Variants in CACNB3 observed in about 807,000 individuals in gnomAD.
CACNB3 encodes the protein calcium voltage-gated channel auxiliary subunit beta 3.
CACNB3 carries 36 observed loss-of-function variants against 63.7 expected under a neutral mutation model. That is an observed-to-expected ratio of 0.57 (90% confidence interval 0.43 to 0.75). The LOEUF (loss-of-function observed/expected upper bound fraction) is 0.75, where lower values mean the gene tolerates loss of function less well. Ranked by LOEUF, CACNB3 falls within the 30% of genes least tolerant of loss-of-function variation. CACNB3 has a pLI of 0.00. For missense variants in CACNB3, 493 were observed against 648.6 expected (o/e 0.76, Z 2.61); for synonymous variants, 241 against 250.6 (o/e 0.96, Z 0.36).
rs755305623 is a variant in CACNB3, at chr12:48,824,748, A to C, written c.472+15A>C. The C allele has an allele frequency of 6.2e-7, 1 of 1,611,690 alleles. No homozygotes were observed. Among genetic ancestry groups the C allele is most frequent in the Non-Finnish European group, 8.5e-7 (1 of 1,178,900 alleles). ...GCCATCTCTAGGTAGCCTCCCCCCAACCCACCCATTTTGGGTAGGTGGGTA... is the reference window on the plus strand; with the variant it reads ...GCCATCTCTAGGTAGCCTCCCCCCACCCCACCCATTTTGGGTAGGTGGGTA... On this transcript the variant is annotated intron_variant, in intron 5 of 12. Coordinates refer to ENST00000301050, the MANE Select transcript of CACNB3 (RefSeq NM_000725.4).
chr12:48,824,502 CACACTCA>C, intron 4 of CACNB3, 129 bp downstream of exon 4: 1 of 1,035,984 alleles, frequency 9.7e-7, no homozygotes, highest in South Asian at 1.5e-5. Context: ...CCCAGCTCTA[CACACTCA>C]ACACTAAACA....
chr12:48,823,943 C>T lies in CACNB3; in HGVS notation c.291+140C>T, dbSNP rs993057978. On this transcript the variant is annotated intron_variant, in intron 3 of 12. Coordinates refer to ENST00000301050, the MANE Select transcript of CACNB3 (RefSeq NM_000725.4). The surrounding 1 kb of genome is among the most constrained non-coding windows in gnomAD (Gnocchi z 4.2). ...CTCCTTAACACACACCTGTCCACCC[C>T]TCATATCTAAGATCTCATCCCCAGG... The T allele has an allele frequency of 9.3e-7, 1 of 1,077,496 alleles. No homozygotes were observed. The highest frequency in any genetic ancestry group is 1.3e-6 in the Non-Finnish European group (1 of 749,794). The allele number at this position is 1,077,496 out of a possible 1,614,324, so 66.7% of individuals were successfully genotyped here. A position where few individuals can be genotyped will look rare whatever the true frequency, so the allele number is the denominator to read the frequency against.
upstream of CACNB3, among the ~76,000 whole-genome samples, chr12:48,815,928 C>T (rs920611728): frequency 6.6e-6 from 1 of 152,056 alleles, no homozygotes; most frequent in Non-Finnish European, 1.5e-5. Context: ...TGGCAGCTTC[C>T]TAGTACTGGG....
chr12:48,826,798 A>G lies in CACNB3; in HGVS notation c.934A>G (p.Met312Val), dbSNP rs1219962378. The change falls in exon 11 of 13, where the codon ATG becomes GTG. Residue 312 changes from methionine to valine, a missense_variant. Physicochemically the swap from Met to Val is conservative, Grantham distance 21. Coordinates refer to ENST00000301050, the MANE Select transcript of CACNB3 (RefSeq NM_000725.4). The surrounding 1 kb of genome is among the most constrained non-coding windows in gnomAD (Gnocchi z 4.8). ...CATTCGCTCCCGGGGGAAGTCACAG[A>G]TGAAGCACCTGACCGTACAGATGAT... ...RLIRSRGKSQ[M>V]KHLTVQMMAY... The G allele has an allele frequency of 6.2e-7, 1 of 1,613,984 alleles. No individual in the cohort carries two copies. Among genetic ancestry groups the G allele is most frequent in the African/African-American group, 1.3e-5 (1 of 74,894 alleles).
At chr12:48,815,295 C>A, upstream of CACNB3, 1 of 282,366 alleles carries the variant, frequency 3.5e-6, no homozygotes, top group Non-Finnish European at 7.0e-6. Flanking sequence ...CCTACTCTTT[C>A]TCGGGAGGAC....
intron 1 of CACNB3, chr12:48,819,537 T>A: frequency 2.9e-6 from 1 of 347,466 alleles, no homozygotes; most frequent in Non-Finnish European, 5.7e-6. Context: ...CATTGCCTCA[T>A]CTCCTCACCC....
chr12:48,827,500 G>T, intron 12 of CACNB3, 85 bp from the exon 13 acceptor site: 1 of 1,261,680 alleles, frequency 7.9e-7, no homozygotes, highest in East Asian at 2.4e-5. Flanking sequence ...GGAATTGAGA[G>T]TTGAGGGGGG....
At chr12:48,817,701 G>A (rs1365033779), upstream of CACNB3, among the ~76,000 whole-genome samples, 5 of 152,150 alleles carry the variant, frequency 3.3e-5, no homozygotes, top group Admixed American at 3.3e-4. Flanking sequence ...GCTAAGGGGA[G>A]AATCTGGCCT....
In CACNB3 at chr12:48,818,801, G is replaced by A. The variant is rs1174597984; in HGVS notation, c.-129G>A. ...CTCGCTCCCTCCTTCGCGCTCTCTC[G>A]CTCCCTGCCGCCGCCCGCAGGGCTG... On this transcript the variant is annotated 5_prime_UTR_variant, in exon 1 of 13. Coordinates refer to ENST00000301050, the MANE Select transcript of CACNB3 (RefSeq NM_000725.4). The surrounding 1 kb of genome is among the most constrained non-coding windows in gnomAD (Gnocchi z 4.3). 7.3e-6 allele frequency: 10 copies of A among 1,362,388 alleles called. No individual in the cohort carries two copies. The African/African-American group carries it at 7.8e-5, about 11-fold the overall frequency. 84.4% of individuals were successfully genotyped at this position (1,362,388 alleles called of 1,614,324 possible).
At chr12:48,820,787 A>C (rs1174724247) in intron 1 of CACNB3, 1 of 152,226 alleles carries the variant, frequency 6.6e-6, no homozygotes, top group African/African-American at 2.4e-5. Context: ...GGAGTAATGG[A>C]GAGGGGGTTC....
chr12:48,823,855 G>C lies in CACNB3; in HGVS notation c.291+52G>C. 1 of 1,610,402 alleles carries C rather than the reference G, an allele frequency of 6.2e-7. No homozygotes were observed. The highest frequency in any genetic ancestry group is 8.5e-7 in the Non-Finnish European group (1 of 1,178,120). On this transcript the variant is annotated intron_variant, in intron 3 of 12. Transcript: ENST00000301050. This position sits in a 1 kb window ranked among gnomAD's most constrained non-coding sequence, Gnocchi z 4.2. ...CCTCTAACTTCATTTTCTTGCTCTT[G>C]CTCCAGATCCTAATGCTTCTGACTT...
At chr12:48,819,146 C>A (rs1208780917) in intron 1 of CACNB3, among the ~76,000 whole-genome samples, 172 bp downstream of exon 1, 2 of 152,008 alleles carry the variant, frequency 1.3e-5, no homozygotes, top group African/African-American at 4.8e-5. Flanking sequence ...CGTTCCCCAG[C>A]GACCCAGACT....
upstream of CACNB3, among the ~76,000 whole-genome samples, chr12:48,816,291 T>C (rs1338703993): frequency 2.0e-5 from 3 of 152,224 alleles, no homozygotes; most frequent in Non-Finnish European, 2.9e-5. Context: ...TTTCCTCTTA[T>C]GTCTTGCTTC....
At chr12:48,814,502 G>GGCCA (rs1484265737), upstream of CACNB3, 2 of 1,530,216 alleles carry the variant, frequency 1.3e-6, no homozygotes, top group African/African-American at 2.8e-5. This position sits in a 1 kb window ranked among gnomAD's most constrained non-coding sequence, Gnocchi z 6.9. Context: ...GCCCAGTCCC[G>GGCCA]GCCAGGACGC....
chr12:48,816,021 CG>C (rs1386023420), upstream of CACNB3, among the ~76,000 whole-genome samples: 7 of 152,182 alleles, frequency 4.6e-5, no homozygotes, highest in Admixed American at 4.6e-4. Context: ...GCTCCCCTAG[CG>C]CCTGTCCCTG....
Position 48,828,078 on chromosome 12 carries a change from C to T in CACNB3, c.*179C>T, listed in dbSNP as rs557977166. ...AAGGTTCTGGGAGAAACAGGGGACC[C>T]CCTCACCTCCTGGGCAGTGACCCCT... On this transcript the variant is annotated 3_prime_UTR_variant, in exon 13 of 13. Coordinates refer to ENST00000301050, the MANE Select transcript of CACNB3 (RefSeq NM_000725.4). 1.9e-5 allele frequency: 12 copies of T among 617,270 alleles called. No homozygotes were observed. In the East Asian group the frequency reaches 3.3e-4, roughly 17 times the overall value. The allele number at this position is 617,270 out of a possible 1,614,324, so 38.2% of individuals were successfully genotyped here.
chr12:48,815,499 G>GGGAGGGA (rs932604831), upstream of CACNB3: 9 of 1,375,464 alleles, frequency 6.5e-6, no homozygotes, highest in Middle Eastern at 5.0e-4. Context: ...GGGAGAGGGA[G>GGGAGGGA]GGAGGGAGGA....
At chr12:48,827,493 A>T in intron 12 of CACNB3, 92 bp from the exon 13 acceptor site, 1 of 1,150,512 alleles carries the variant, frequency 8.7e-7, no homozygotes, top group African/African-American at 1.5e-5. Flanking sequence ...TTACCGGGGA[A>T]TTGAGAGTTG....
At position 48,827,487 on chromosome 12, in the gene CACNB3, C is replaced by T. The variant is rs565965109; in HGVS notation, c.1141-98C>T. 24 of 1,144,830 alleles carry T rather than the reference C, an allele frequency of 2.1e-5. No individual in the cohort carries two copies. The Admixed American group carries it at 2.3e-4, about 11-fold the overall frequency. 70.9% of individuals were successfully genotyped at this position (1,144,830 alleles called of 1,614,324 possible). On this transcript the variant is annotated intron_variant, in intron 12 of 12. Transcript: ENST00000301050. ...TTTTTCCTTGCACTATTTCCTTTAC[C>T]GGGGAATTGAGAGTTGAGGGGGGAA...
Sources: gnomAD v4.1 joint callset for allele counts (sites outside exome capture counted in the v4.1 genomes callset) on GRCh38, gnomAD v4.1.1 for gene constraint, Gnocchi (gnomAD v3.1) non-coding constraint, MANE v1.5 for transcripts, NCBI Gene and HGNC (gene_info 2026-07-23, HGNC 2026-07-21) for gene names.